Variants in SEPTIN4 observed in about 807,000 individuals in gnomAD.
SEPTIN4 encodes septin-4.
In SEPTIN4, 52 loss-of-function variants were observed where a neutral mutation model predicts 107.1. That is an observed-to-expected ratio of 0.49 (90% confidence interval 0.39 to 0.61). SEPTIN4 has a LOEUF of 0.61. Among genes scored for constraint, SEPTIN4 ranks in the 20% least tolerant of loss-of-function variants. SEPTIN4 has a pLI of 0.00. For missense variants in SEPTIN4, 1,048 were observed against 1,243.5 expected (o/e 0.84, Z 2.36); for synonymous variants, 417 against 467.0 (o/e 0.89, Z 1.38).
rs768833520 is a variant in SEPTIN4 at position 58,544,155 on chromosome 17, A to T, written c.32T>A (p.Val11Glu). The T allele has an allele frequency of 6.2e-7, 1 of 1,613,292 alleles. No individual in the cohort carries two copies. Among genetic ancestry groups the T allele is most frequent in the Non-Finnish European group, 8.5e-7 (1 of 1,179,564 alleles). ...AGACCCTCTCTGTGCTGAAACCGCT[A>T]CCTTGGCCCCAGGTTTATTTGTCTT... MVKTNKPGAK[V>E]AVSAQRGSEV... is the part of the protein sequence containing the mutation. The change falls in exon 1 of 14, where the codon GTA becomes GAA. Residue 11 changes from valine (V) to glutamate (E), a missense_variant. By Grantham distance (121) the Val-to-Glu change is moderately radical (BLOSUM62 -2). Around this residue, in one of 2 missense-constraint regions of SEPTIN4, gnomAD observed 787 missense variants for 871.8 expected, o/e 0.90. Coordinates refer to ENST00000672673, the MANE Select transcript of SEPTIN4 (RefSeq NM_001368771.2).
In SEPTIN4 at chr17:58,524,942, A is replaced by G; in HGVS notation, c.2216+136T>C. On this transcript the variant is annotated intron_variant, in intron 7 of 13. Coordinates refer to ENST00000672673, the MANE Select transcript of SEPTIN4 (RefSeq NM_001368771.2). ...TTTATAAAGGAGGAGATGGCTGTCC[A>G]GTAAGGGAAGTCACATGCTCAAGGT... 2.8e-6 allele frequency: 3 copies of G among 1,074,636 alleles called. No individual in the cohort carries two copies. In the South Asian group the frequency reaches 4.6e-5, roughly 16 times the overall value. The allele number at this position is 1,074,636 out of a possible 1,614,324, so 66.6% of individuals were successfully genotyped here. A position where few individuals can be genotyped will look rare whatever the true frequency, so the allele number is the denominator to read the frequency against.
chr17:58,539,262 C>G, intron 3 of SEPTIN4: 1 of 1,250,644 alleles, frequency 8.0e-7, no homozygotes, highest in Non-Finnish European at 1.1e-6. Flanking sequence ...CACCCTGTTG[C>G]CAAGGCTTTT....
At chr17:58,533,723 T>C (rs1469736267) in intron 3 of SEPTIN4, among the ~76,000 whole-genome samples, 1 of 152,072 alleles carries the variant, frequency 6.6e-6, no homozygotes, top group African/African-American at 2.4e-5. Flanking sequence ...CCAATGGCAG[T>C]TGGAAGTCTG....
chr17:58,522,251 C>A, intron 7 of SEPTIN4, 150 bp from the exon 8 acceptor site: 1 of 1,032,426 alleles, frequency 9.7e-7, no homozygotes, highest in Non-Finnish European at 1.4e-6. Context: ...AGAGAAATTC[C>A]TGAATGGGGT....
chr17:58,527,472 C>T, intron 3 of SEPTIN4: 1 of 278,146 alleles, frequency 3.6e-6, no homozygotes, highest in Non-Finnish European at 7.1e-6. Flanking sequence ...AAGCTGACTG[C>T]ATCAGGCAGG....
At chr17:58,526,585 C>A (rs2042920643) in intron 4 of SEPTIN4, 97 bp downstream of exon 4, 2 of 1,453,464 alleles carry the variant, frequency 1.4e-6, no homozygotes, top group East Asian at 2.5e-5. Flanking sequence ...CACACACACA[C>A]ACACACACAC....
At chr17:58,536,152 TG>T (rs549676867) in intron 3 of SEPTIN4, among the ~76,000 whole-genome samples, 4 of 152,250 alleles carry the variant, frequency 2.6e-5, no homozygotes, top group Non-Finnish European at 5.9e-5. Flanking sequence ...TGGGACAGAC[TG>T]CTCCTTAAAA....
At chr17:58,531,893 C>T in intron 3 of SEPTIN4, 3 of 1,119,116 alleles carry the variant, frequency 2.7e-6, no homozygotes, top group African/African-American at 1.7e-5. Context: ...CTTGCAGCCG[C>T]CCGGGAGCGA....
chr17:58,524,126 A>G (rs1230815895), intron 7 of SEPTIN4, among the ~76,000 whole-genome samples: 1 of 152,160 alleles, frequency 6.6e-6, no homozygotes, highest in African/African-American at 2.4e-5. Flanking sequence ...TAACTTCTTC[A>G]TCAAAGCTAC....
intron 3 of SEPTIN4, chr17:58,532,395 G>A (rs2043545429): frequency 1.3e-5 from 2 of 152,984 alleles, no homozygotes; most frequent in Non-Finnish European, 2.9e-5. Flanking sequence ...AGACGCCTTT[G>A]GAAGGGAGGG....
At chr17:58,534,933 G>A (rs552415426) in intron 3 of SEPTIN4, among the ~76,000 whole-genome samples, 1 of 152,342 alleles carries the variant, frequency 6.6e-6, no homozygotes, top group African/African-American at 2.4e-5. Context: ...CAGGAAATCA[G>A]GATTTCAGAT....
intron 7 of SEPTIN4, among the ~76,000 whole-genome samples, chr17:58,523,704 C>T (rs2042527588): frequency 6.6e-6 from 1 of 151,760 alleles, no homozygotes; most frequent in African/African-American, 2.4e-5. Context: ...TCTGCCGTTG[C>T]CATGTTGAAA....
intron 3 of SEPTIN4, chr17:58,529,067 A>G (rs1305579098): frequency 1.9e-6 from 3 of 1,598,216 alleles, no homozygotes; most frequent in South Asian, 2.2e-5. Context: ...CAGCCAAGGC[A>G]GGGGGAAGAC....
At chr17:58,529,241 C>A in intron 3 of SEPTIN4, 1 of 1,613,754 alleles carries the variant, frequency 6.2e-7, no homozygotes, top group Non-Finnish European at 8.5e-7. Flanking sequence ...CAAAGTTCCT[C>A]ACACACAGAA....
In SEPTIN4 at chr17:58,538,854, C is replaced by T. The variant is rs1395849935; in HGVS notation, c.1614+1812G>A. ...TGTTCACCCAGAGAGGCTTGTGAAG[C>T]TCAACAACAAACATGATGCCTTCCA... On this transcript the variant is annotated intron_variant, in intron 3 of 13. Coordinates refer to ENST00000672673, the MANE Select transcript of SEPTIN4 (RefSeq NM_001368771.2). This position sits in a 1 kb window ranked among gnomAD's most constrained non-coding sequence, Gnocchi z 4.7. Among the ~76,000 whole-genome samples, 1 of 152,218 alleles carries T rather than the reference C, an allele frequency of 6.6e-6. No homozygotes were observed. The highest frequency in any genetic ancestry group is 1.5e-5 in the Non-Finnish European group (1 of 68,038).
chr17:58,543,979 A>T lies in SEPTIN4; in HGVS notation c.208T>A (p.Ser70Thr), dbSNP rs771612191. The change falls in exon 1 of 14, where the codon TCT (serine) becomes ACT (threonine). Residue 70 changes from serine (S) to threonine (T), a missense_variant. Ser to Thr is a moderately conservative substitution (Grantham distance 58, BLOSUM62 1). Coordinates refer to ENST00000672673, the MANE Select transcript of SEPTIN4 (RefSeq NM_001368771.2). ...CCAGGTCCTGACTGGAGGGAGACAG[A>T]TCGAGGGTAGTCTGATGCTGAATGG... ...TPHSASDYPR[S>T]VSLQSGPGHY... 8 of 1,613,756 alleles carry T rather than the reference A, an allele frequency of 5.0e-6. No homozygotes were observed. In the South Asian group the frequency reaches 8.8e-5, roughly 18 times the overall value.
chr17:58,521,783 T>G lies in SEPTIN4; in HGVS notation c.2422A>C (p.Lys808Gln). ...QRVNIVPILA[K>Q]ADTLTPPEVD... ...TCGGGAGGTGTCAGTGTGTCTGCCT[T>G]AGCCAGGATAGGCACGATGTTGACC... The change falls in exon 9 of 14, where the codon AAG (lysine) becomes CAG (glutamine). Residue 808 changes from lysine to glutamine, a missense_variant. Coordinates refer to ENST00000672673, the MANE Select transcript of SEPTIN4 (RefSeq NM_001368771.2). This position sits in a 1 kb window ranked among gnomAD's most constrained non-coding sequence, Gnocchi z 6.4. The G allele has an allele frequency of 6.2e-7, 1 of 1,614,234 alleles. No individual in the cohort carries two copies. The highest frequency in any genetic ancestry group is 8.5e-7 in the Non-Finnish European group (1 of 1,180,042).
rs2042164317 is a variant in SEPTIN4 at position 58,520,662 on chromosome 17, G to A, written c.2931+81C>T. ...GACCCAAATATGCACCAGAGCCAGG[G>A]ATCTTTCTATTACCAAACAAAGAGA... On this transcript the variant is annotated intron_variant, in intron 13 of 13. Transcript: ENST00000672673. 3.2e-6 allele frequency: 5 copies of A among 1,576,340 alleles called. No homozygotes were observed. The Admixed American group carries it at 8.5e-5, about 27-fold the overall frequency.
At position 58,525,193 on chromosome 17, in the gene SEPTIN4, T is replaced by A. The variant is rs767554193; in HGVS notation, c.2101A>T (p.Met701Leu). 5 of 1,613,924 alleles carry A rather than the reference T, an allele frequency of 3.1e-6. No homozygotes were observed. Among genetic ancestry groups the A allele is most frequent in the South Asian group, 1.1e-5 (1 of 91,076 alleles). Residue 701 changes from methionine (M) to leucine (L), a missense_variant, in exon 7 of 14, where the codon ATG becomes TTG. By Grantham distance (15) the Met-to-Leu change is conservative (BLOSUM62 2). This residue lies in a region of SEPTIN4 where 787 missense variants were observed against 871.8 expected (regional missense o/e 0.90). Coordinates refer to ENST00000672673, the MANE Select transcript of SEPTIN4 (RefSeq NM_001368771.2). ...TGCTTAGTGATCTCCACAGTTTGCATGATCCTCTCTGGAGAAAGGGGAAAC... is the reference window on the plus strand; with the variant it reads ...TGCTTAGTGATCTCCACAGTTTGCAAGATCCTCTCTGGAGAAAGGGGAAAC... ...RKLLGAEERI[M>L]QTVEITKHAV...
Sources: gnomAD v4.1 joint callset for allele counts (sites outside exome capture counted in the v4.1 genomes callset) on GRCh38, gnomAD v4.1.1 for gene constraint, gnomAD v4.1.1 regional missense constraint, Gnocchi (gnomAD v3.1) non-coding constraint, MANE v1.5 for transcripts, NCBI Gene and HGNC (gene_info 2026-07-23, HGNC 2026-07-21) for gene names.